Variants in MKRN2OS observed in about 807,000 individuals in gnomAD.
The protein encoded by MKRN2OS is MKRN2 opposite strand.
In MKRN2OS, 17 loss-of-function variants were observed where a neutral mutation model predicts 18.2. That is an observed-to-expected ratio of 0.93 (90% CI 0.64 to 1.40). The LOEUF is 1.40. Ranked by LOEUF, MKRN2OS falls within the 40% of genes most tolerant of loss-of-function variation. The pLI is 0.00. For missense variants in MKRN2OS, 337 were observed against 283.0 expected (o/e 1.19, Z -1.37); for synonymous variants, 121 against 108.5 (o/e 1.12, Z -0.72).
upstream of MKRN2OS, among the ~76,000 whole-genome samples, chr3:12,548,687 C>T (rs1369791856): frequency 1.3e-5 from 2 of 152,036 alleles, no homozygotes; most frequent in Non-Finnish European, 2.9e-5. Flanking sequence ...TTCAGTGACC[C>T]AAGCCACTTT....
rs753270108 is a variant in MKRN2OS, at chr3:12,541,861, T to C, written c.430A>G (p.Arg144Gly). 9.8e-5 allele frequency: 150 copies of C among 1,535,222 alleles called. No individual in the cohort carries two copies. In the South Asian group the frequency reaches 1.8e-3, roughly 18 times the overall value. Residue 144 changes from arginine (R) to glycine (G), a missense_variant and splice_region_variant, in exon 3 of 4, where the codon AGG becomes GGG. Coordinates refer to ENST00000564146, the MANE Select transcript of MKRN2OS (RefSeq NM_001195279.2). ...GGGGCAGCATTTGCAGTCGTGTACCTGTGAGGCAGCCAGGCCCCCGAGGTG... is the reference window on the plus strand; with the variant it reads ...GGGGCAGCATTTGCAGTCGTGTACCCGTGAGGCAGCCAGGCCCCCGAGGTG... ...FSTSGAWLPH[R>G]YEDNHHNCYS...
At chr3:12,551,478 G>C (rs957785624), downstream of MKRN2OS, among the ~76,000 whole-genome samples, 1 of 146,846 alleles carries the variant, frequency 6.8e-6, no homozygotes, top group Non-Finnish European at 1.5e-5. Flanking sequence ...CTGGGCAACA[G>C]AGCAAGACTC....
intron 1 of MKRN2OS, among the ~76,000 whole-genome samples, chr3:12,554,721 T>C (rs1163836479): frequency 1.3e-5 from 2 of 152,104 alleles, no homozygotes; most frequent in East Asian, 3.9e-4. Flanking sequence ...CCACTGATTA[T>C]GTACGCTGTG....
chr3:12,552,461 G>C (rs2057936642), downstream of MKRN2OS, among the ~76,000 whole-genome samples: 1 of 148,716 alleles, frequency 6.7e-6, no homozygotes, highest in Admixed American at 6.7e-5. Context: ...GTCCAGGCTG[G>C]AGTGCAATGG....
At chr3:12,541,710 G>C (rs1035305219) in intron 3 of MKRN2OS, 150 bp downstream of exon 3, 2 of 875,662 alleles carry the variant, frequency 2.3e-6, no homozygotes, top group Non-Finnish European at 1.7e-6. Context: ...TTCAACCTCT[G>C]TTTAAATTCT....
At chr3:12,548,958 G>A (rs908014514), upstream of MKRN2OS, among the ~76,000 whole-genome samples, 1 of 151,624 alleles carries the variant, frequency 6.6e-6, no homozygotes, top group African/African-American at 2.4e-5. Context: ...TATTTGAGAC[G>A]GAATCTCACT....
At chr3:12,557,232 G>T in intron 1 of MKRN2OS, 4 of 1,516,842 alleles carry the variant, frequency 2.6e-6, no homozygotes, top group Non-Finnish European at 2.6e-6. Context: ...CAGGGGGGCC[G>T]GTGCGCGCCA....
Position 12,539,848 on chromosome 3 carries a change from C to G in MKRN2OS, c.*345G>C, listed in dbSNP as rs991163215. ...TTGCCCAGGCTGGAGTGCAATGGCA[C>G]GATCTCAACTCATCCCAACCTCCGC... On this transcript the variant is annotated 3_prime_UTR_variant, in exon 4 of 4. Transcript: ENST00000564146. The G allele has an allele frequency of 3.9e-6, 1 of 254,222 alleles. No homozygotes were observed. Among genetic ancestry groups the G allele is most frequent in the African/African-American group, 2.2e-5 (1 of 46,288 alleles). The allele number at this position is 254,222 out of a possible 1,614,324, so 15.7% of individuals were successfully genotyped here. A position where few individuals can be genotyped will look rare whatever the true frequency, so the allele number is the denominator to read the frequency against.
chr3:12,545,188 G>T (rs2057868635), intron 1 of MKRN2OS, 59 bp downstream of exon 1: 4 of 1,333,980 alleles, frequency 3.0e-6, no homozygotes, highest in South Asian at 3.0e-5. Context: ...AAACTTTAGT[G>T]ACTAAAACAG....
Position 12,556,951 on chromosome 3 carries a change from C to T in MKRN2OS, n.265-2817G>A, listed in dbSNP as rs866549321. ...AGCAGGGATGCCGGGACAGCCGGCC[C>T]GATCCCCGGTGCGGAACCAATTGTG... On this transcript the variant is annotated intron_variant and non_coding_transcript_variant, in intron 1 of 1. Coordinates refer to the MKRN2OS transcript ENST00000447550. 1.2e-4 allele frequency: 57 copies of T among 469,020 alleles called. 2 individuals are homozygous for T. The highest frequency in any genetic ancestry group is 1.0e-3 in the African/African-American group (50 of 49,238). 29.1% of individuals were successfully genotyped at this position (469,020 alleles called of 1,614,324 possible).
intron 2 of MKRN2OS, among the ~76,000 whole-genome samples, chr3:12,542,231 C>A (rs1160449567): frequency 6.6e-6 from 1 of 152,168 alleles, no homozygotes; most frequent in Non-Finnish European, 1.5e-5. Flanking sequence ...TATCAGCAAT[C>A]ATTTCCTTGA....
At chr3:12,553,500 T>C (rs2057944189), downstream of MKRN2OS, among the ~76,000 whole-genome samples, 1 of 152,004 alleles carries the variant, frequency 6.6e-6, no homozygotes, top group African/African-American at 2.4e-5. Flanking sequence ...AGAAAGAAAC[T>C]TTCTTAATTT....
upstream of MKRN2OS, chr3:12,545,557 G>A (rs2057874941): frequency 1.1e-6 from 1 of 940,100 alleles, no homozygotes; most frequent in Non-Finnish European, 1.5e-6. Context: ...CAAGGAACCT[G>A]ATCAATGGTG....
At chr3:12,541,788 T>A (rs2057817550) in intron 3 of MKRN2OS, 72 bp downstream of exon 3, 1 of 1,445,346 alleles carries the variant, frequency 6.9e-7, no homozygotes, top group Non-Finnish European at 9.2e-7. Flanking sequence ...CTCTGTGAGC[T>A]GAGGCTACAC....
At chr3:12,557,399 A>G (rs115614926) in intron 1 of MKRN2OS, among the ~76,000 whole-genome samples, 4,730 of 152,268 alleles carry the variant, frequency 0.031, 248 homozygotes, top group African/African-American at 0.11. Flanking sequence ...GCGGGGGGCT[A>G]CGCCCCGAGT....
chr3:12,543,564 G>GCAACAGAGTAAGACCCT, intron 1 of MKRN2OS, among the ~76,000 whole-genome samples: 1 of 151,732 alleles, frequency 6.6e-6, no homozygotes, highest in East Asian at 1.9e-4. Context: ...TCCACCCTGG[G>GCAACAGAGTAAGACCCT]GGATAGAACG....
chr3:12,540,356 T>TAAA lies in MKRN2OS; in HGVS notation c.508_509insTTT (p.Gln170delinsLeuTer), dbSNP rs2057778270. On this transcript the variant is annotated stop_gained and protein_altering_variant, in exon 4 of 4. Coordinates refer to ENST00000564146, the MANE Select transcript of MKRN2OS (RefSeq NM_001195279.2). LOFTEE classifies it low-confidence loss of function (END_TRUNC). Reference sequence around the variant, plus strand: ...CGTAAATTCACCCTTGTCCAGTTGCTGTCTACCTTCTGCCATCAGAACGCA... The same window carrying TAAA: ...CGTAAATTCACCCTTGTCCAGTTGCTAAAGTCTACCTTCTGCCATCAGAACGCA... 1.3e-6 allele frequency: 2 copies of TAAA among 1,536,016 alleles called. No individual in the cohort carries two copies. Among genetic ancestry groups the TAAA allele is most frequent in the Admixed American group, 2.0e-5 (1 of 50,976 alleles).
At position 12,545,322 on chromosome 3, in the gene MKRN2OS, A is replaced by G. The variant is rs767803291; in HGVS notation, c.143T>C (p.Ile48Thr). Residue 48 changes from isoleucine (I) to threonine (T), a missense_variant, in exon 1 of 4, where the codon ATC becomes ACC. Coordinates refer to ENST00000564146, the MANE Select transcript of MKRN2OS (RefSeq NM_001195279.2). ...ATGTCCATTAGTAAATGGATTAGCG[A>G]TGCTAACAGGTGCGTCCTCCAGCTT... ...SRKLEDAPVS[I>T]ANPFTNGHQE... 4.6e-6 allele frequency: 7 copies of G among 1,536,160 alleles called. No individual in the cohort carries two copies. In the South Asian group the frequency reaches 4.8e-5, roughly 10 times the overall value.
Position 12,540,246 on chromosome 3 carries a change from T to A in MKRN2OS, c.619A>T (p.Thr207Ser). Residue 207 changes from threonine to serine, a missense_variant, in exon 4 of 4, where the codon ACT becomes TCT. Physicochemically the swap from Thr to Ser is moderately conservative, Grantham distance 58. Transcript: ENST00000564146. ...TGTGCCTGCTGCTGGGGACAGTCAG[T>A]GACGTAGAAGCCATGCTCCCGTATC... is the stretch of plus-strand genomic sequence containing the variant. ...RAIREHGFYVTDCPQQQAQPP... is the reference protein window; with the variant it reads ...RAIREHGFYVSDCPQQQAQPP... The A allele has an allele frequency of 6.5e-7, 1 of 1,536,132 alleles. No homozygotes were observed. Among genetic ancestry groups the A allele is most frequent in the South Asian group, 1.2e-5 (1 of 84,060 alleles).
Sources: gnomAD v4.1 joint callset for allele counts (sites outside exome capture counted in the v4.1 genomes callset) on GRCh38, gnomAD v4.1.1 for gene constraint, MANE v1.5 for transcripts, NCBI Gene and HGNC (gene_info 2026-07-23, HGNC 2026-07-21) for gene names.